The following DPP6 variants were observed in gnomAD, a reference collection of about 807,000 sequenced individuals.
DPP6 encodes A-type potassium channel modulatory protein DPP6.
DPP6 carries 69 observed loss-of-function variants against 122.6 expected under a neutral mutation model. The observed-to-expected ratio is 0.56, with a 90% CI of 0.46 to 0.69. The LOEUF is 0.69. Among genes scored for constraint, DPP6 ranks in the 30% least tolerant of loss-of-function variants. The pLI is 0.00. For missense variants in DPP6, 928 were observed against 1,116.9 expected, an observed-to-expected ratio of 0.83 and a Z score of 2.41; for synonymous variants, 418 against 433.1, an observed-to-expected ratio of 0.97 and a Z score of 0.43.
chr7:153,886,858 C>T (rs1798938997), upstream of DPP6, among the ~76,000 whole-genome samples: 1 of 152,166 alleles, frequency 6.6e-6, no homozygotes, highest in South Asian at 2.1e-4. Context: ...CCTCTCCCTT[C>T]TCTCGCGGGC....
chr7:153,977,345 A>G (rs1383358153), intron 1 of DPP6, among the ~76,000 whole-genome samples: 9 of 152,194 alleles, frequency 5.9e-5, no homozygotes, highest in Admixed American at 3.3e-4. Context: ...AAGTTACACT[A>G]GGGAAGAGGA....
intron 1 of DPP6, among the ~76,000 whole-genome samples, chr7:154,441,468 T>C (rs1248095922): frequency 6.6e-6 from 1 of 152,206 alleles, no homozygotes; most frequent in East Asian, 1.9e-4. Flanking sequence ...TCCTTTTGTG[T>C]CCCACTCCTT....
chr7:154,276,479 G>A (rs1804135470), intron 1 of DPP6, among the ~76,000 whole-genome samples: 1 of 152,208 alleles, frequency 6.6e-6, no homozygotes, highest in South Asian at 2.1e-4. Flanking sequence ...TGGGAAATTA[G>A]AGTATTATTC....
chr7:154,727,406 C>T (rs1421389364), intron 7 of DPP6, among the ~76,000 whole-genome samples: 1 of 152,202 alleles, frequency 6.6e-6, no homozygotes, highest in East Asian at 1.9e-4. Flanking sequence ...GATCCAGTCA[C>T]CTCCTACCAG....
At position 154,877,308 on chromosome 7, in the gene DPP6, A is replaced by G. The variant is rs1379709652; in HGVS notation, c.2078+1208A>G. On this transcript the variant is annotated intron_variant, in intron 20 of 25. Transcript: ENST00000377770. The surrounding 1 kb of genome is among the most constrained non-coding windows in gnomAD (Gnocchi z 5.2). Reference sequence around the variant, plus strand: ...CCCGTGTTGCAGCTGGGAAATACGGAGCGGGAGAGCTCTCAGGACTCAGAT... The same window carrying G: ...CCCGTGTTGCAGCTGGGAAATACGGGGCGGGAGAGCTCTCAGGACTCAGAT... Among the ~76,000 whole-genome samples, 1 of 152,076 alleles carries G rather than the reference A, an allele frequency of 6.6e-6. No individual in the cohort carries two copies. The highest frequency in any genetic ancestry group is 6.6e-5 in the Admixed American group (1 of 15,262).
chr7:154,555,688 A>G (rs1435115767), intron 4 of DPP6, among the ~76,000 whole-genome samples: 1 of 152,086 alleles, frequency 6.6e-6, no homozygotes, highest in African/African-American at 2.4e-5. Flanking sequence ...AATATGGCTA[A>G]ATACAAGAAA....
At chr7:153,936,404 C>G (rs981014654) in intron 1 of DPP6, among the ~76,000 whole-genome samples, 2 of 152,100 alleles carry the variant, frequency 1.3e-5, no homozygotes, top group African/African-American at 4.8e-5. Flanking sequence ...CTGGGGAGAC[C>G]GCGAGCTCGT....
intron 1 of DPP6, among the ~76,000 whole-genome samples, chr7:154,324,256 C>G (rs1261507915): frequency 6.6e-6 from 1 of 152,218 alleles, no homozygotes; most frequent in African/African-American, 2.4e-5. Context: ...GATGTCTGCT[C>G]CTAGCCTTTC....
chr7:154,157,950 T>TATATATGTACATATATATATGTATATAA (rs1346300879), intron 1 of DPP6, among the ~76,000 whole-genome samples: 21 of 148,750 alleles, frequency 1.4e-4, no homozygotes, highest in South Asian at 4.2e-4. Flanking sequence ...AATATATACA[T>TATATATGTACATATATATATGTATATAA]ATATATGTAC....
chr7:154,305,573 CGT>C (rs143438546), intron 1 of DPP6: 7,328 of 1,427,948 alleles, frequency 5.1e-3, no homozygotes, highest in East Asian at 0.012. Flanking sequence ...TTTGGGGGTC[CGT>C]GTGTGTGTGT....
chr7:154,456,033 C>T (rs536746034), intron 2 of DPP6, among the ~76,000 whole-genome samples: 1 of 152,198 alleles, frequency 6.6e-6, no homozygotes, highest in Admixed American at 6.5e-5. Flanking sequence ...CAGTCCAGAA[C>T]CAAAGGCAGC....
chr7:154,079,426 G>A (rs373891410), intron 1 of DPP6, among the ~76,000 whole-genome samples: 27 of 152,164 alleles, frequency 1.8e-4, no homozygotes, highest in African/African-American at 3.6e-4. Context: ...TGCGTACTGC[G>A]CAAATGAAGG....
At chr7:154,864,634 C>T (rs897724381) in intron 17 of DPP6, among the ~76,000 whole-genome samples, 22 of 152,220 alleles carry the variant, frequency 1.4e-4, no homozygotes, top group Admixed American at 6.5e-5. Flanking sequence ...TGGCTTAACT[C>T]AAGTCCCCTG....
chr7:154,158,521 G>T (rs561189963), intron 1 of DPP6, among the ~76,000 whole-genome samples: 16 of 151,258 alleles, frequency 1.1e-4, no homozygotes, highest in African/African-American at 3.9e-4. Flanking sequence ...ATATTTTGAG[G>T]CTATTCCGAA....
At chr7:153,897,251 A>G (rs974822097) in intron 1 of DPP6, among the ~76,000 whole-genome samples, 1 of 152,190 alleles carries the variant, frequency 6.6e-6, no homozygotes, top group Non-Finnish European at 1.5e-5. Context: ...GGTTCTTTGC[A>G]CACCACAATG....
Position 154,893,092 on chromosome 7 carries a change from A to G in DPP6, c.*612A>G, listed in dbSNP as rs941446591. On this transcript the variant is annotated 3_prime_UTR_variant, in exon 26 of 26. Coordinates refer to ENST00000377770, the MANE Select transcript of DPP6 (RefSeq NM_130797.4). ...TGATAGAATTAACTCGTATTTTTCTATGGTTTTAACCTGATGCTCCACTGT... is the reference window on the plus strand; with the variant it reads ...TGATAGAATTAACTCGTATTTTTCTGTGGTTTTAACCTGATGCTCCACTGT... 4 of 398,638 alleles carry G rather than the reference A, an allele frequency of 1.0e-5. No individual in the cohort carries two copies. The highest frequency in any genetic ancestry group is 2.0e-5 in the Non-Finnish European group (4 of 200,982). The allele number at this position is 398,638 out of a possible 1,614,324, so 24.7% of individuals were successfully genotyped here.
At chr7:154,547,703 C>A (rs1227226779) in intron 4 of DPP6, among the ~76,000 whole-genome samples, 1 of 152,144 alleles carries the variant, frequency 6.6e-6, no homozygotes, top group African/African-American at 2.4e-5. Flanking sequence ...TTCCCTGGAT[C>A]CTCTTTGTCC....
rs1195169204 is a variant in DPP6 at position 154,282,493 on chromosome 7, GT to G, written c.244-163720del. On this transcript the variant is annotated intron_variant, in intron 1 of 25. Transcript: ENST00000377770. The surrounding 1 kb of genome is among the most constrained non-coding windows in gnomAD (Gnocchi z 4.8). The stretch of plus-strand genomic sequence containing the variant: ...TGTTCCCTACGCCCCTTGGGAGAGT[GT>G]GGCACACTGGAAGAAAGACACGCTG... Among the ~76,000 whole-genome samples, 1 of 152,166 alleles carries G rather than the reference GT, an allele frequency of 6.6e-6. No homozygotes were observed. Among genetic ancestry groups the G allele is most frequent in the Non-Finnish European group, 1.5e-5 (1 of 68,036 alleles).
chr7:154,192,213 G>A (rs1392275828), intron 1 of DPP6, among the ~76,000 whole-genome samples: 3 of 152,154 alleles, frequency 2.0e-5, no homozygotes, highest in South Asian at 2.1e-4. Flanking sequence ...ATTAAATTTC[G>A]TTTTCCCATT....
Sources: allele counts gnomAD v4.1 joint callset (sites outside exome capture counted in the v4.1 genomes callset), GRCh38; gene constraint gnomAD v4.1.1; non-coding constraint Gnocchi (gnomAD v3.1); transcripts MANE v1.5; gene names NCBI Gene and HGNC (gene_info 2026-07-23, HGNC 2026-07-21).